Variants in ZNF777 observed in about 807,000 individuals in gnomAD.
The protein encoded by ZNF777 is zinc finger protein 777.
ZNF777 carries 7 observed loss-of-function variants against 72.1 expected under a neutral mutation model. The observed-to-expected ratio is 0.10, with a 90% CI of 0.06 to 0.18. The LOEUF (loss-of-function observed/expected upper bound fraction) is 0.18, where lower values mean the gene tolerates loss of function less well. ZNF777 is among the 10% of genes least tolerant of loss of function. The pLI, the probability that ZNF777 is intolerant of heterozygous loss-of-function variation, is 1.00. For missense variants in ZNF777, 828 were observed against 1,128.6 expected (o/e 0.73, Z 3.82); for synonymous variants, 545 against 483.5 (o/e 1.13, Z -1.67).
intron 4 of ZNF777, among the ~76,000 whole-genome samples, chr7:149,446,518 T>A (rs373845471): frequency 6.6e-6 from 1 of 152,184 alleles, no homozygotes; most frequent in African/African-American, 2.4e-5. Context: ...CAGAACATTT[T>A]AAAAAACATA....
At chr7:149,438,714 T>G (rs1057285928) in intron 4 of ZNF777, among the ~76,000 whole-genome samples, 1 of 152,218 alleles carries the variant, frequency 6.6e-6, no homozygotes, top group Non-Finnish European at 1.5e-5. Context: ...CCTGAGGCTC[T>G]TCATGCTCCT....
intron 4 of ZNF777, among the ~76,000 whole-genome samples, chr7:149,449,235 C>G (rs1180351670): frequency 1.3e-5 from 2 of 152,218 alleles, no homozygotes; most frequent in Admixed American, 1.3e-4. Flanking sequence ...CCTCCCACTG[C>G]AGACTCCCAG....
intron 1 of ZNF777, among the ~76,000 whole-genome samples, chr7:149,456,360 T>G (rs1488182906): frequency 6.6e-6 from 1 of 152,164 alleles, no homozygotes; most frequent in Non-Finnish European, 1.5e-5. Context: ...GTTAGAGCTT[T>G]TGGCCCTGTC....
chr7:149,435,725 C>A (rs1799398644), intron 5 of ZNF777, among the ~76,000 whole-genome samples: 1 of 152,170 alleles, frequency 6.6e-6, no homozygotes, highest in Non-Finnish European at 1.5e-5. Context: ...GTGGGTTCTA[C>A]CAATTTTTCA....
chr7:149,455,695 C>T lies in ZNF777; in HGVS notation c.328G>A (p.Ala110Thr), dbSNP rs767301831. 6.4e-7 allele frequency: 1 copy of T among 1,567,846 alleles called. No individual in the cohort carries two copies. Among genetic ancestry groups the T allele is most frequent in the Non-Finnish European group, 8.6e-7 (1 of 1,157,516 alleles). The change falls in exon 2 of 6, where the codon GCT (alanine) becomes ACT (threonine). Residue 110 changes from alanine to threonine, a missense_variant. By Grantham distance (58) the Ala-to-Thr change is moderately conservative. This residue lies in a region of ZNF777 where 222 missense variants were observed against 211.2 expected (regional missense o/e 1.05). Transcript: ENST00000247930. The surrounding 1 kb of genome is among the most constrained non-coding windows in gnomAD (Gnocchi z 4.2). ...AGAAGGGAGACTTCTTGTTCAGCAGCAGCTGGGGGTGGATACTGGGTCCCT... is the reference window on the plus strand; with the variant it reads ...AGAAGGGAGACTTCTTGTTCAGCAGTAGCTGGGGGTGGATACTGGGTCCCT... ...QEGTQYPPPA[A>T]AEQEVSLLSH... is the part of the protein sequence containing the mutation.
At chr7:149,459,403 A>G (rs1375965661) in intron 1 of ZNF777, among the ~76,000 whole-genome samples, 1 of 152,216 alleles carries the variant, frequency 6.6e-6, no homozygotes, top group Non-Finnish European at 1.5e-5. Flanking sequence ...CTCAAAGTTT[A>G]GCCTACGACC....
At chr7:149,448,517 ATATAG>A (rs1176084476) in intron 4 of ZNF777, among the ~76,000 whole-genome samples, 1 of 141,182 alleles carries the variant, frequency 7.1e-6, no homozygotes. Flanking sequence ...ATATAACTAT[ATATAG>A]TTATACATAT....
intron 4 of ZNF777, among the ~76,000 whole-genome samples, chr7:149,438,040 C>A (rs1018431602): frequency 6.6e-6 from 1 of 151,568 alleles, no homozygotes; most frequent in African/African-American, 2.4e-5. Context: ...CCACCACACC[C>A]GGCTAATTTT....
At chr7:149,444,177 A>T (rs539056975) in intron 4 of ZNF777, among the ~76,000 whole-genome samples, 2 of 152,184 alleles carry the variant, frequency 1.3e-5, no homozygotes, top group Non-Finnish European at 2.9e-5. Context: ...AGATTATATC[A>T]ATGTTATTTA....
At chr7:149,446,923 A>T (rs1799613278) in intron 4 of ZNF777, among the ~76,000 whole-genome samples, 1 of 152,068 alleles carries the variant, frequency 6.6e-6, no homozygotes, top group African/African-American at 2.4e-5. Flanking sequence ...TCCTGTTCCT[A>T]AACCACACAG....
At chr7:149,444,239 T>C (rs1033679934) in intron 4 of ZNF777, among the ~76,000 whole-genome samples, 4 of 152,208 alleles carry the variant, frequency 2.6e-5, no homozygotes, top group African/African-American at 9.6e-5. Context: ...GTAAACCTTC[T>C]TGCTTTCCCT....
At chr7:149,450,974 C>T in intron 4 of ZNF777, 25 bp downstream of exon 4, 1 of 1,589,424 alleles carries the variant, frequency 6.3e-7, no homozygotes, top group Non-Finnish European at 8.6e-7. Context: ...GAATGCAGAG[C>T]TGCAGATCAC....
rs976454518 is a variant in ZNF777, at chr7:149,448,540, T to C, written c.1087+2459A>G. Among the ~76,000 whole-genome samples, 209 of 139,394 alleles carry C rather than the reference T, an allele frequency of 1.5e-3. 5 individuals carry two copies. Among genetic ancestry groups the C allele is most frequent in the African/African-American group, 5.6e-3 (200 of 35,562 alleles). 91.4% of individuals were successfully genotyped at this position (139,394 alleles called of 152,430 possible). A position where few individuals can be genotyped will look rare whatever the true frequency, so the allele number is the denominator to read the frequency against. On this transcript the variant is annotated intron_variant, in intron 4 of 5. Transcript: ENST00000247930. ...ATATATAGTTATACATATAGTTATA[T>C]ATATAGTTATACATATAGTTATATA...
intron 4 of ZNF777, among the ~76,000 whole-genome samples, chr7:149,439,840 A>C (rs1046999975): frequency 6.6e-6 from 1 of 152,252 alleles, no homozygotes; most frequent in Non-Finnish European, 1.5e-5. Flanking sequence ...ATTATCCAAG[A>C]TAGAAAATAA....
intron 4 of ZNF777, among the ~76,000 whole-genome samples, chr7:149,448,578 A>G (rs989527063): frequency 0.013 from 506 of 39,746 alleles, 4 homozygotes; most frequent in African/African-American, 0.019. Context: ...TATACATATA[A>G]CTATATATAT....
chr7:149,440,673 GTTTTTTTTT>G (rs1554493243), intron 4 of ZNF777, among the ~76,000 whole-genome samples: 1 of 39,186 alleles, frequency 2.6e-5, no homozygotes, highest in African/African-American at 7.9e-5. Flanking sequence ...TTGTTTTTTT[GTTTTTTTTT>G]TTTTTTTTTT....
intron 4 of ZNF777, among the ~76,000 whole-genome samples, chr7:149,446,450 T>C (rs755544219): frequency 2.0e-5 from 3 of 152,194 alleles, no homozygotes; most frequent in Non-Finnish European, 2.9e-5. Context: ...CAATCTTTCA[T>C]TGTGTACTGT....
chr7:149,454,393 G>A (rs1451983232), intron 2 of ZNF777, among the ~76,000 whole-genome samples, 156 bp from the exon 3 acceptor site: 1 of 152,208 alleles, frequency 6.6e-6, no homozygotes, highest in South Asian at 2.1e-4. Context: ...TGAGGGGCCT[G>A]TCTTGTCGGA....
intron 1 of ZNF777, among the ~76,000 whole-genome samples, chr7:149,456,942 C>T (rs1356483481): frequency 6.6e-6 from 1 of 152,174 alleles, no homozygotes; most frequent in Non-Finnish European, 1.5e-5. Flanking sequence ...GGCAATTCAA[C>T]CACTCCTAGG....
Sources: allele counts gnomAD v4.1 joint callset (sites outside exome capture counted in the v4.1 genomes callset), GRCh38; gene constraint gnomAD v4.1.1; regional missense constraint gnomAD v4.1.1; non-coding constraint Gnocchi (gnomAD v3.1); transcripts MANE v1.5; gene names NCBI Gene and HGNC (gene_info 2026-07-23, HGNC 2026-07-21).